Variants in MYH15 observed in about 807,000 individuals in gnomAD.
MYH15 encodes myosin-15.
A neutral mutation model predicts 240.5 loss-of-function variants in MYH15; 227 were observed. The observed-to-expected ratio is 0.94, with a 90% CI of 0.85 to 1.05. The LOEUF is 1.05. MYH15 is among the 50% of genes least tolerant of loss of function. The pLI, the probability that MYH15 is intolerant of heterozygous loss-of-function variation, is 0.00. For synonymous variants in MYH15, 785 were observed against 796.7 expected (o/e 0.99, Z 0.25); for missense variants, 2,217 against 2,247.5 (o/e 0.99, Z 0.27).
Position 108,500,119 on chromosome 3 carries a change from G to A in MYH15, c.495C>T (p.His165=). 6.2e-7 allele frequency: 1 copy of A among 1,612,958 alleles called. No homozygotes were observed. Among genetic ancestry groups the A allele is most frequent in the South Asian group, 1.1e-5 (1 of 90,974 alleles). Residue 165 remains histidine (H), a splice_region_variant and synonymous_variant, in exon 4 of 41, where the codon CAC becomes CAT. Coordinates refer to ENST00000693548, the MANE Select transcript of MYH15 (RefSeq NM_014981.3). ...TCATTTTGTAGGGCAGCTACTCACTGTGAAGCATGTCCTGAAAGGCGTTAT... is the reference window on the plus strand; with the variant it reads ...TCATTTTGTAGGGCAGCTACTCACTATGAAGCATGTCCTGAAAGGCGTTAT... ...VANNAFQDML[H]NRENQSILFT... is the part of the protein sequence containing the mutation.
intron 30 of MYH15, 79 bp from the exon 31 acceptor site, chr3:108,411,011 T>C (rs1263797728): frequency 8.8e-6 from 11 of 1,253,668 alleles, no homozygotes; most frequent in Non-Finnish European, 1.2e-5. Flanking sequence ...GGATTAAAGA[T>C]AGAGCTTGGG....
At chr3:108,449,979 T>C (rs1166549538) in intron 21 of MYH15, among the ~76,000 whole-genome samples, 4 of 152,030 alleles carry the variant, frequency 2.6e-5, no homozygotes, top group Non-Finnish European at 5.9e-5. Context: ...ACATCACTAA[T>C]TATCAGGGAA....
chr3:108,490,419 T>C (rs1185658969), intron 9 of MYH15, among the ~76,000 whole-genome samples: 1 of 152,238 alleles, frequency 6.6e-6, no homozygotes, highest in African/African-American at 2.4e-5. Context: ...GGGAGCATTG[T>C]TGTCCTCAAA....
chr3:108,411,596 G>A (rs1426773799), intron 30 of MYH15, among the ~76,000 whole-genome samples: 1 of 152,164 alleles, frequency 6.6e-6, no homozygotes, highest in Non-Finnish European at 1.5e-5. Flanking sequence ...ATTTATTACA[G>A]TGCTTCTTTC....
At chr3:108,425,916 A>C (rs183558334) in intron 27 of MYH15, among the ~76,000 whole-genome samples, 169 of 152,320 alleles carry the variant, frequency 1.1e-3, no homozygotes, top group African/African-American at 3.8e-3. Flanking sequence ...GGAATATCCT[A>C]TTGGAAACTG....
intron 29 of MYH15, among the ~76,000 whole-genome samples, chr3:108,416,121 T>A (rs2082631002): frequency 6.6e-6 from 1 of 152,166 alleles, no homozygotes; most frequent in African/African-American, 2.4e-5. Flanking sequence ...AATGATACAT[T>A]TTTAAATTTG....
intron 11 of MYH15, among the ~76,000 whole-genome samples, chr3:108,481,746 G>C (rs147753345): frequency 6.6e-6 from 1 of 152,204 alleles, no homozygotes; most frequent in African/African-American, 2.4e-5. Context: ...AGGGATTAGA[G>C]AGAGACAGAG....
chr3:108,492,656 A>G, intron 8 of MYH15, 61 bp from the exon 9 acceptor site: 2 of 1,307,636 alleles, frequency 1.5e-6, no homozygotes, highest in Non-Finnish European at 2.2e-6. Flanking sequence ...TGTAGAAGAA[A>G]AGTAATCAGG....
intron 17 of MYH15, 36 bp from the exon 18 acceptor site, chr3:108,459,485 T>C: frequency 3.0e-6 from 4 of 1,352,966 alleles, no homozygotes; most frequent in African/African-American, 2.9e-5. Context: ...AAAATCACTT[T>C]GCAAATCACT....
intron 2 of MYH15, among the ~76,000 whole-genome samples, chr3:108,503,637 T>G (rs2083454290): frequency 2.0e-5 from 3 of 152,166 alleles, no homozygotes; most frequent in Non-Finnish European, 4.4e-5. Context: ...ATGGCTGTAA[T>G]CAAAAAGAAA....
Position 108,384,799 on chromosome 3 carries a change from T to C in MYH15, c.5536-17A>G, listed in dbSNP as rs960768922. Reference sequence around the variant, plus strand: ...TTCCTCTGCCTGCAATACATAGGCATGTATGGGAAGGTGATTCAGAGGATC... The same window carrying C: ...TTCCTCTGCCTGCAATACATAGGCACGTATGGGAAGGTGATTCAGAGGATC... On this transcript the variant is annotated splice_polypyrimidine_tract_variant and intron_variant, in intron 38 of 40. Transcript: ENST00000693548. 5 of 1,601,802 alleles carry C rather than the reference T, an allele frequency of 3.1e-6. No individual in the cohort carries two copies. The highest frequency in any genetic ancestry group is 2.2e-5 in the South Asian group (2 of 90,822).
chr3:108,529,353 T>G, upstream of MYH15: 2 of 1,149,730 alleles, frequency 1.7e-6, no homozygotes, highest in Non-Finnish European at 2.6e-6. Context: ...GAGAGAATGA[T>G]AGCCAGGAAG....
At position 108,421,198 on chromosome 3, in the gene MYH15, A is replaced by G. The variant is rs1226862701; in HGVS notation, c.3719T>C (p.Leu1240Pro). ...CAAGCGCTCTTCATATAGAGTACAG[A>G]GTTTCTCAGCATTTGCCTATAAGTT... ...MTRAKANAEK[L>P]CTLYEERLHE... Residue 1240 changes from leucine to proline, a missense_variant, in exon 28 of 41, where the codon CTC becomes CCC. Leu to Pro is a moderately conservative substitution (Grantham distance 98). Coordinates refer to ENST00000693548, the MANE Select transcript of MYH15 (RefSeq NM_014981.3). The G allele has an allele frequency of 6.2e-7, 1 of 1,613,070 alleles. No homozygotes were observed. The highest frequency in any genetic ancestry group is 8.5e-7 in the Non-Finnish European group (1 of 1,179,900).
intron 11 of MYH15, among the ~76,000 whole-genome samples, chr3:108,481,874 G>A (rs917186073): frequency 1.3e-5 from 2 of 152,164 alleles, no homozygotes; most frequent in East Asian, 1.9e-4. Flanking sequence ...TGACAGGAAC[G>A]TGGGGTTTTA....
At chr3:108,533,394 G>A (rs963290080), upstream of MYH15, among the ~76,000 whole-genome samples, 2 of 151,874 alleles carry the variant, frequency 1.3e-5, no homozygotes, top group African/African-American at 2.4e-5. Flanking sequence ...ATCCTTCTGA[G>A]TCTTAGATTT....
upstream of MYH15, among the ~76,000 whole-genome samples, chr3:108,511,220 A>G (rs1176775484): frequency 3.3e-5 from 5 of 152,160 alleles, no homozygotes; most frequent in Non-Finnish European, 7.3e-5. Context: ...ATGTTCAGTA[A>G]TAGACAGTAA....
chr3:108,470,603 T>C (rs1332395586), intron 13 of MYH15, 95 bp downstream of exon 13: 2 of 1,311,744 alleles, frequency 1.5e-6, no homozygotes, highest in African/African-American at 2.9e-5. Flanking sequence ...CATAGAATGA[T>C]CCCCATGCTT....
intron 39 of MYH15, among the ~76,000 whole-genome samples, chr3:108,384,010 G>C (rs2082363881): frequency 6.6e-6 from 1 of 152,102 alleles, no homozygotes; most frequent in African/African-American, 2.4e-5. Context: ...AAATGTGCTA[G>C]AATAACCACA....
intron 11 of MYH15, among the ~76,000 whole-genome samples, chr3:108,481,043 GA>G (rs1430366283): frequency 2.0e-5 from 3 of 152,004 alleles, no homozygotes; most frequent in South Asian, 2.1e-4. Context: ...GAAGCATACT[GA>G]AAAAAACTCA....
Sources: allele counts gnomAD v4.1 joint callset (sites outside exome capture counted in the v4.1 genomes callset), GRCh38; gene constraint gnomAD v4.1.1; transcripts MANE v1.5; gene names NCBI Gene and HGNC (gene_info 2026-07-23, HGNC 2026-07-21).